Variants in SART3 observed in about 807,000 individuals in gnomAD.
SART3 encodes the protein HIV-1 Tat-interacting protein of 110kDa.
In SART3, 44 loss-of-function variants were observed where a neutral mutation model predicts 122.3. The ratio of observed to expected loss-of-function variants is 0.36; its 90% CI spans 0.28 to 0.46. The LOEUF is 0.46. SART3 is among the 20% of genes least tolerant of loss of function. SART3 has a pLI of 1.00. For synonymous variants in SART3, 442 were observed against 454.0 expected, an observed-to-expected ratio of 0.97 and a Z score of 0.34; for missense variants, 1,101 against 1,229.0, an observed-to-expected ratio of 0.90 and a Z score of 1.56.
chr12:108,527,212 GCTGGGTC>G, intron 15 of SART3, among the ~76,000 whole-genome samples: 1 of 152,280 alleles, frequency 6.6e-6, no homozygotes, highest in Middle Eastern at 3.4e-3. Context: ...GTGTCCCTGG[GCTGGGTC>G]CAGCTGACTG....
chr12:108,524,140 A>G (rs963016055), intron 18 of SART3, 176 bp downstream of exon 18: 1 of 682,712 alleles, frequency 1.5e-6, no homozygotes, highest in Non-Finnish European at 2.6e-6. Flanking sequence ...CTAGGCTTGC[A>G]TCCTGCTCTG....
At chr12:108,526,661 A>C in intron 15 of SART3, 108 bp from the exon 16 acceptor site, 1 of 1,192,614 alleles carries the variant, frequency 8.4e-7, no homozygotes, top group Non-Finnish European at 1.2e-6. Context: ...TGTGACACTT[A>C]CTCCCTCACC....
intron 1 of SART3, among the ~76,000 whole-genome samples, chr12:108,552,968 C>A (rs1227295898): frequency 1.4e-4 from 21 of 152,084 alleles, no homozygotes. Context: ...ATCATCAAGG[C>A]AGTGTGAGAA....
At chr12:108,528,358 G>C (rs926267881) in intron 15 of SART3, among the ~76,000 whole-genome samples, 2 of 151,778 alleles carry the variant, frequency 1.3e-5, no homozygotes, top group African/African-American at 4.8e-5. Flanking sequence ...GGCTGGCAAA[G>C]TGTAATCCCA....
intron 14 of SART3, 149 bp downstream of exon 14, chr12:108,531,055 C>T: frequency 1.6e-6 from 1 of 640,212 alleles, no homozygotes; most frequent in Non-Finnish European, 2.8e-6. Context: ...TGACACAAGA[C>T]AGGTTTAAGC....
chr12:108,535,587 G>C lies in SART3; in HGVS notation c.1447-119C>G, dbSNP rs73402764. On this transcript the variant is annotated intron_variant, in intron 11 of 18. Coordinates refer to ENST00000546815, the MANE Select transcript of SART3 (RefSeq NM_014706.4). ...CCCCACAACTATTAGTGTTACAGAT[G>C]TCCCTGGGCATTCCCCAGGCCTCCC... 6,017 of 855,852 alleles carry C rather than the reference G, an allele frequency of 7.0e-3. 227 individuals carry two copies. The African/African-American group carries it at 0.086, about 12-fold the overall frequency. 53.0% of individuals were successfully genotyped at this position (855,852 alleles called of 1,614,324 possible). A position where few individuals can be genotyped will look rare whatever the true frequency, so the allele number is the denominator to read the frequency against.
chr12:108,549,322 G>C lies in SART3; in HGVS notation c.313-108C>G, dbSNP rs12305677. On this transcript the variant is annotated intron_variant, in intron 1 of 18. Coordinates refer to ENST00000546815, the MANE Select transcript of SART3 (RefSeq NM_014706.4). ...TACCTGCCACAAACAAAATAAACGT[G>C]CTATCTGAGAAAACCACTGAAACAG... 0.01 allele frequency: 12,863 copies of C among 1,255,614 alleles called. 934 individuals carry two copies. The African/African-American group carries it at 0.17, about 16-fold the overall frequency. The allele number at this position is 1,255,614 out of a possible 1,614,324, so 77.8% of individuals were successfully genotyped here. A position where few individuals can be genotyped will look rare whatever the true frequency, so the allele number is the denominator to read the frequency against.
chr12:108,524,255 G>T (rs2136658938), intron 18 of SART3, 61 bp downstream of exon 18: 1 of 1,365,590 alleles, frequency 7.3e-7, no homozygotes, highest in Non-Finnish European at 1.0e-6. Flanking sequence ...ATCCCCCCGT[G>T]ATCCATGAAC....
chr12:108,551,293 A>G (rs969281981), intron 1 of SART3, among the ~76,000 whole-genome samples: 2 of 152,248 alleles, frequency 1.3e-5, no homozygotes, highest in Admixed American at 6.5e-5. Flanking sequence ...CCAGGAAGAC[A>G]TAACAATCCT....
intron 6 of SART3, among the ~76,000 whole-genome samples, chr12:108,539,703 C>T (rs781510787): frequency 6.6e-6 from 1 of 152,112 alleles, no homozygotes; most frequent in Non-Finnish European, 1.5e-5. Context: ...TTGGGAAGCA[C>T]AGGTACATGC....
Position 108,523,596 on chromosome 12 carries a change from C to T in SART3, c.2753G>A (p.Arg918His), listed in dbSNP as rs149150271. The change falls in exon 19 of 19, where the codon CGT becomes CAT. Residue 918 changes from arginine to histidine, a missense_variant. Around this residue, in one of 2 missense-constraint regions of SART3, gnomAD observed 885 missense variants for 1,080.1 expected, o/e 0.82. Coordinates refer to ENST00000546815, the MANE Select transcript of SART3 (RefSeq NM_014706.4). ...KGRTQLSLLP[R>H]ALQRPSAAAP... ...TGCAGCACTTGGGCGCTGCAGGGCACGAGGCAGTAGAGACAGCTGCGTCCT... is the reference window on the plus strand; with the variant it reads ...TGCAGCACTTGGGCGCTGCAGGGCATGAGGCAGTAGAGACAGCTGCGTCCT... 4.3e-6 allele frequency: 7 copies of T among 1,613,976 alleles called. No individual in the cohort carries two copies. The highest frequency in any genetic ancestry group is 4.0e-5 in the African/African-American group (3 of 74,886).
intron 1 of SART3, among the ~76,000 whole-genome samples, chr12:108,557,721 T>C (rs965645844): frequency 2.0e-5 from 3 of 152,216 alleles, no homozygotes; most frequent in Admixed American, 6.5e-5. Flanking sequence ...GGGTTCAGGG[T>C]TGCAAAGCCA....
At chr12:108,542,665 G>A in intron 6 of SART3, 1 of 347,692 alleles carries the variant, frequency 2.9e-6, no homozygotes, top group South Asian at 2.3e-5. Flanking sequence ...AAGTTCAAAA[G>A]CAAGCAAAAT....
intron 7 of SART3, 104 bp downstream of exon 7, chr12:108,538,830 A>C: frequency 7.2e-7 from 1 of 1,398,074 alleles, no homozygotes; most frequent in Non-Finnish European, 1.0e-6. Context: ...AGATGGAGGA[A>C]AAGCAAGAGT....
intron 4 of SART3, 91 bp from the exon 5 acceptor site, chr12:108,544,569 GTTCT>G (rs1279776949): frequency 3.2e-6 from 5 of 1,579,792 alleles, no homozygotes; most frequent in Admixed American, 1.7e-5. Context: ...ACAAACTGTG[GTTCT>G]TTCTTTTTCT....
chr12:108,545,809 T>C (rs12228677), intron 3 of SART3, among the ~76,000 whole-genome samples: 46,356 of 151,596 alleles, frequency 0.31, 8,320 homozygotes, highest in Middle Eastern at 0.46. Context: ...CTACTAAAAA[T>C]AGAAAAATTA....
intron 5 of SART3, 107 bp from the exon 6 acceptor site, chr12:108,543,259 T>C (rs774016570): frequency 1.4e-5 from 19 of 1,323,636 alleles, no homozygotes; most frequent in Non-Finnish European, 2.0e-5. Context: ...CCCACATCTG[T>C]GGCATGGCAG....
At chr12:108,553,054 C>T (rs1446828548) in intron 1 of SART3, among the ~76,000 whole-genome samples, 4 of 151,828 alleles carry the variant, frequency 2.6e-5, no homozygotes, top group Non-Finnish European at 5.9e-5. Flanking sequence ...TAATTTTTGA[C>T]AAACGCAATG....
chr12:108,548,791 T>A (rs1873548502), intron 2 of SART3, among the ~76,000 whole-genome samples: 1 of 152,214 alleles, frequency 6.6e-6, no homozygotes, highest in African/African-American at 2.4e-5. Context: ...ATGGTTTAAA[T>A]ACATAAATAG....
Sources: allele counts gnomAD v4.1 joint callset (sites outside exome capture counted in the v4.1 genomes callset), GRCh38; gene constraint gnomAD v4.1.1; regional missense constraint gnomAD v4.1.1; transcripts MANE v1.5; gene names NCBI Gene and HGNC (gene_info 2026-07-23, HGNC 2026-07-21).